The following SLC23A2 variants were observed in gnomAD, a reference collection of about 807,000 sequenced individuals.
SLC23A2 encodes the protein Na(+)/L-ascorbic acid transporter 2.
In SLC23A2, 36 loss-of-function variants were observed where a neutral mutation model predicts 73.3. That is an observed-to-expected ratio of 0.49 (90% CI 0.38 to 0.65). The LOEUF (loss-of-function observed/expected upper bound fraction) is 0.65, where lower values mean the gene tolerates loss of function less well. Among genes scored for constraint, SLC23A2 ranks in the 30% least tolerant of loss-of-function variants. The probability of loss-of-function intolerance (pLI) is 0.00; values close to 1 mark genes in which losing one functional copy is unlikely to be tolerated. For synonymous variants in SLC23A2, 343 were observed against 327.3 expected (o/e 1.05, Z -0.52); for missense variants, 507 against 841.6 (o/e 0.60, Z 4.92).
At chr20:4,987,880 T>A (rs377028961) in intron 1 of SLC23A2, among the ~76,000 whole-genome samples, 2 of 151,738 alleles carry the variant, frequency 1.3e-5, no homozygotes, top group African/African-American at 4.8e-5. Context: ...CTGTAATCTG[T>A]AATTAGGACA....
intron 3 of SLC23A2, among the ~76,000 whole-genome samples, chr20:4,917,587 G>T (rs1178105143): frequency 6.6e-6 from 1 of 152,196 alleles, no homozygotes; most frequent in East Asian, 1.9e-4. Flanking sequence ...TCCAAAAAAG[G>T]AAGGTTTACT....
intron 11 of SLC23A2, 46 bp from the exon 12 acceptor site, chr20:4,870,099 A>C: frequency 6.6e-7 from 1 of 1,517,084 alleles, no homozygotes; most frequent in Non-Finnish European, 8.9e-7. Context: ...AGGCAGGCGA[A>C]AGTGACCAGG....
At chr20:5,000,365 A>T (rs1213730037) in intron 1 of SLC23A2, among the ~76,000 whole-genome samples, 1 of 152,168 alleles carries the variant, frequency 6.6e-6, no homozygotes, top group Admixed American at 6.6e-5. Flanking sequence ...GAGAGGACGA[A>T]GCCGGCTGAG....
chr20:4,893,593 T>C (rs1219825461), intron 6 of SLC23A2, among the ~76,000 whole-genome samples: 1 of 152,072 alleles, frequency 6.6e-6, no homozygotes, highest in East Asian at 1.9e-4. Context: ...ATGGACAAGG[T>C]TCCATTACGG....
chr20:4,894,962 C>A (rs543418130), intron 6 of SLC23A2, among the ~76,000 whole-genome samples: 1 of 152,228 alleles, frequency 6.6e-6, no homozygotes, highest in African/African-American at 2.4e-5. Flanking sequence ...CACTTCTGCA[C>A]AATAGAGGGC....
chr20:4,938,413 A>C (rs1373438343), intron 2 of SLC23A2, among the ~76,000 whole-genome samples: 1 of 143,854 alleles, frequency 7.0e-6, no homozygotes, highest in Non-Finnish European at 1.5e-5. Context: ...ATCTCGGCTC[A>C]CCACAACCTC....
intron 1 of SLC23A2, among the ~76,000 whole-genome samples, chr20:4,986,823 A>T (rs1600206864): frequency 6.6e-6 from 1 of 152,298 alleles, no homozygotes; most frequent in East Asian, 1.9e-4. Flanking sequence ...AAATCAAAAA[A>T]AAAAAGCTGA....
intron 2 of SLC23A2, among the ~76,000 whole-genome samples, chr20:4,949,440 A>C (rs2087166085): frequency 6.6e-6 from 1 of 152,100 alleles, no homozygotes; most frequent in South Asian, 2.1e-4. Context: ...AAAACACAGA[A>C]ATTTTACTCG....
In SLC23A2 at chr20:4,947,715, T is replaced by C. The variant is rs1362673806; in HGVS notation, c.-154-14999A>G. On this transcript the variant is annotated intron_variant, in intron 2 of 16. Coordinates refer to ENST00000338244, the MANE Select transcript of SLC23A2 (RefSeq NM_005116.6). The surrounding 1 kb of genome is among the most constrained non-coding windows in gnomAD (Gnocchi z 4.4). ...GCCAATGTTGTGGGTCCAACAATCA[T>C]TCTGGAAGACAAACGTTGTTCGTGT... is the stretch of plus-strand genomic sequence containing the variant. Among the ~76,000 whole-genome samples the C allele has an allele frequency of 6.6e-6, 1 of 152,184 alleles. No individual in the cohort carries two copies. Among genetic ancestry groups the C allele is most frequent in the Admixed American group, 6.5e-5 (1 of 15,274 alleles).
chr20:4,862,107 C>A lies in SLC23A2; in HGVS notation c.1487-22G>T, dbSNP rs748379215. On this transcript the variant is annotated intron_variant, in intron 14 of 16. Coordinates refer to ENST00000338244, the MANE Select transcript of SLC23A2 (RefSeq NM_005116.6). The surrounding 1 kb of genome is among the most constrained non-coding windows in gnomAD (Gnocchi z 5.1). ...ATTCCTGGAGAAAAACAAACCAGAC[C>A]ACAAGCTCCAGCACCACTACAGCGG... is the stretch of plus-strand genomic sequence containing the variant. The A allele has an allele frequency of 1.8e-5, 29 of 1,613,118 alleles. No individual in the cohort carries two copies. The highest frequency in any genetic ancestry group is 2.2e-5 in the Non-Finnish European group (26 of 1,179,506).
In SLC23A2 at chr20:4,988,299, C is replaced by T. The variant is rs141297265; in HGVS notation, c.-282+13107G>A. On this transcript the variant is annotated intron_variant, in intron 1 of 16. Transcript: ENST00000338244. ...CTTGGGCAACAAGAGCAAAACTCCA[C>T]CTCAAAAACAAAAAGTAGCTGACCG... is the stretch of plus-strand genomic sequence containing the variant. Among the ~76,000 whole-genome samples, 1,878 of 151,954 alleles carry T rather than the reference C, an allele frequency of 0.012. 53 individuals are homozygous for T. In the South Asian group the frequency reaches 0.14, roughly 11 times the overall value.
At chr20:4,935,861 T>C (rs1279816662) in intron 2 of SLC23A2, among the ~76,000 whole-genome samples, 1 of 152,102 alleles carries the variant, frequency 6.6e-6, no homozygotes, top group Non-Finnish European at 1.5e-5. Flanking sequence ...AAAAAATCTG[T>C]GCAAGTGGGT....
Position 4,874,687 on chromosome 20 carries a change from G to A in SLC23A2, c.834C>T (p.Phe278=). 6.2e-7 allele frequency: 1 copy of A among 1,608,044 alleles called. No individual in the cohort carries two copies. ...CGTATTGAGAAAACAGTAATACTAG[G>A]AATATTGTCCTGAGGAGAGAAAGAA... ...KHWGIAMLTI[F]LVLLFSQYAR... The change falls in exon 10 of 17, where the codon TTC becomes TTT. Residue 278 remains phenylalanine (F), a synonymous_variant. Transcript: ENST00000338244.
At chr20:4,989,363 AT>A (rs1469130284) in intron 1 of SLC23A2, among the ~76,000 whole-genome samples, 1 of 152,150 alleles carries the variant, frequency 6.6e-6, no homozygotes, top group African/African-American at 2.4e-5. Context: ...AGTGTTTCAA[AT>A]TTTGTATCTT....
chr20:5,004,914 G>A (rs976145980), upstream of SLC23A2, among the ~76,000 whole-genome samples: 20 of 151,952 alleles, frequency 1.3e-4, no homozygotes, highest in Non-Finnish European at 1.8e-4. Context: ...CAGGAGAAGC[G>A]CTTGAACCCA....
chr20:4,959,951 T>C (rs1212198456), intron 2 of SLC23A2, among the ~76,000 whole-genome samples: 1 of 152,102 alleles, frequency 6.6e-6, no homozygotes, highest in African/African-American at 2.4e-5. Context: ...ACTCAGCTAA[T>C]TATTTTTTAT....
At chr20:4,908,038 G>A (rs180965878) in intron 4 of SLC23A2, among the ~76,000 whole-genome samples, 8 of 152,216 alleles carry the variant, frequency 5.3e-5, no homozygotes, top group Admixed American at 1.3e-4. Flanking sequence ...AAAAAGCTCC[G>A]TGCTAAGAGG....
rs747299046 is a variant in SLC23A2, at chr20:4,998,321, C to T, written c.-282+3085G>A. 4.6e-5 allele frequency among the ~76,000 whole-genome samples: 7 copies of T among 152,160 alleles called. No homozygotes were observed. The highest frequency in any genetic ancestry group is 8.8e-5 in the Non-Finnish European group (6 of 68,036). Reference sequence around the variant, plus strand: ...ACCAAGAATATTACCCAGCACAGATCAGGCACTCAATGTAATAAATGTATG... The same window carrying T: ...ACCAAGAATATTACCCAGCACAGATTAGGCACTCAATGTAATAAATGTATG... On this transcript the variant is annotated intron_variant, in intron 1 of 16. Coordinates refer to ENST00000338244, the MANE Select transcript of SLC23A2 (RefSeq NM_005116.6). This position sits in a 1 kb window ranked among gnomAD's most constrained non-coding sequence, Gnocchi z 4.1.
intron 2 of SLC23A2, among the ~76,000 whole-genome samples, chr20:4,948,118 A>G (rs1457859404): frequency 6.6e-6 from 1 of 152,174 alleles, no homozygotes; most frequent in Non-Finnish European, 1.5e-5. Flanking sequence ...CCCTGCTGGG[A>G]GAAGGCAGGC....
Sources: gnomAD v4.1 joint callset for allele counts (sites outside exome capture counted in the v4.1 genomes callset) on GRCh38, gnomAD v4.1.1 for gene constraint, Gnocchi (gnomAD v3.1) non-coding constraint, MANE v1.5 for transcripts, NCBI Gene and HGNC (gene_info 2026-07-23, HGNC 2026-07-21) for gene names.